The following PRMT7 variants were observed in gnomAD, a reference collection of about 807,000 sequenced individuals.
PRMT7 encodes the protein protein arginine N-methyltransferase 7.
Under a neutral mutation model 85.4 loss-of-function variants are expected in PRMT7, and 75 were observed. That is an observed-to-expected ratio of 0.88 (90% CI 0.73 to 1.06). The LOEUF (loss-of-function observed/expected upper bound fraction) is 1.06. PRMT7 is among the 50% of genes least tolerant of loss of function. The pLI is 0.00. For missense variants in PRMT7, 868 were observed against 915.2 expected (o/e 0.95, Z 0.67); for synonymous variants, 397 against 359.5 (o/e 1.10, Z -1.18).
At chr16:68,323,054 A>G (rs537679187) in intron 4 of PRMT7, among the ~76,000 whole-genome samples, 1 of 152,222 alleles carries the variant, frequency 6.6e-6, no homozygotes, top group East Asian at 1.9e-4. Context: ...TGTGGTAAAA[A>G]CACATAACAT....
intron 2 of PRMT7, chr16:68,315,074 T>A (rs2044518616): frequency 6.6e-6 from 1 of 151,294 alleles, no homozygotes; most frequent in South Asian, 2.1e-4. Context: ...CCCAGGAGTT[T>A]GAGTCCAGCC....
At chr16:68,337,593 C>A in intron 7 of PRMT7, 22 bp downstream of exon 7, 1 of 1,539,268 alleles carries the variant, frequency 6.5e-7, no homozygotes, top group Non-Finnish European at 8.9e-7. Flanking sequence ...AGGGCTCCCT[C>A]AGACGTGTCT....
chr16:68,346,251 ACTGATCGATACGTC>A lies in PRMT7; in HGVS notation c.1164_1177del (p.Asp389GlyfsTer53). 6.2e-7 allele frequency: 1 copy of A among 1,614,242 alleles called. No homozygotes were observed. Among genetic ancestry groups the A allele is most frequent in the Non-Finnish European group, 8.5e-7 (1 of 1,180,044 alleles). On this transcript the variant is annotated frameshift_variant, in exon 11 of 19. Transcript: ENST00000441236. LOFTEE classifies it high-confidence loss of function. Reference sequence around the variant, plus strand: ...TGGAGAGATCAATGACCAGGACAGAACTGATCGATACGTCCAGGCTCTGAGGACCGTAAGTGTCC... The same window carrying A: ...TGGAGAGATCAATGACCAGGACAGAACAGGCTCTGAGGACCGTAAGTGTCC...
chr16:68,343,903 T>G (rs1213499283), intron 9 of PRMT7, among the ~76,000 whole-genome samples: 1 of 151,420 alleles, frequency 6.6e-6, no homozygotes, highest in African/African-American at 2.4e-5. Flanking sequence ...AGGGCCAAGT[T>G]TTTCTTAGTT....
At chr16:68,332,052 C>T (rs4783553) in intron 6 of PRMT7, among the ~76,000 whole-genome samples, 116,193 of 152,094 alleles carry the variant, frequency 0.76, 44,743 homozygotes, top group African/African-American at 0.86. Flanking sequence ...TGCTAGACTT[C>T]GTTGGTTTTG....
chr16:68,346,017 G>C, intron 10 of PRMT7, 128 bp from the exon 11 acceptor site: 1 of 1,443,058 alleles, frequency 6.9e-7, no homozygotes, highest in Non-Finnish European at 9.4e-7. Flanking sequence ...AGATGCGTAG[G>C]AAAAGTCTGG....
intron 4 of PRMT7, among the ~76,000 whole-genome samples, chr16:68,322,033 A>G (rs1397236474): frequency 6.6e-6 from 1 of 150,742 alleles, no homozygotes; most frequent in African/African-American, 2.4e-5. Context: ...CTGCAGCCTC[A>G]GTCTCCCGAG....
At chr16:68,356,042 C>T (rs1192737465) in intron 17 of PRMT7, among the ~76,000 whole-genome samples, 159 bp downstream of exon 17, 5 of 152,204 alleles carry the variant, frequency 3.3e-5, no homozygotes, top group South Asian at 4.1e-4. Flanking sequence ...TGGCCCTGCG[C>T]GTGTGGTGGT....
chr16:68,320,633 G>A (rs1204702534), intron 3 of PRMT7, among the ~76,000 whole-genome samples: 1 of 152,156 alleles, frequency 6.6e-6, no homozygotes, highest in African/African-American at 2.4e-5. Context: ...AGCCATCAAC[G>A]AGCATGTCAC....
intron 5 of PRMT7, among the ~76,000 whole-genome samples, chr16:68,325,350 C>T (rs993729125): frequency 4.6e-5 from 7 of 152,198 alleles, no homozygotes; most frequent in African/African-American, 1.7e-4. Flanking sequence ...ATTACTTCTA[C>T]CTTGTTTAAG....
At position 68,350,434 on chromosome 16, in the gene PRMT7, C is replaced by CT. The variant is rs58165144; in HGVS notation, c.1414-1803dup. On this transcript the variant is annotated intron_variant, in intron 14 of 18. Coordinates refer to ENST00000441236, the MANE Select transcript of PRMT7 (RefSeq NM_019023.5). The stretch of plus-strand genomic sequence containing the variant: ...GATCCTCACCAGCACCTGGCATTGG[C>CT]TTTTTTTTTTTAGCATAACCATATT... 5.8e-3 allele frequency among the ~76,000 whole-genome samples: 842 copies of CT among 144,106 alleles called. 8 individuals carry two copies. Among genetic ancestry groups the CT allele is most frequent in the African/African-American group, 0.017 (683 of 39,484 alleles). The allele number at this position is 144,106 out of a possible 152,430, so 94.5% of individuals were successfully genotyped here.
In PRMT7 at chr16:68,346,151, A is replaced by G. The variant is rs75567372; in HGVS notation, c.1062A>G (p.Glu354=). The G allele has an allele frequency of 2.6e-3, 4,141 of 1,613,740 alleles. 79 individuals carry two copies. The African/African-American group carries it at 0.047, about 18-fold the overall frequency. ...TGTTCATCTCCTGGCCTAGCCCTGAAAAGAATGAGAGAGTCCGCCAGATGC... is the reference window on the plus strand; with the variant it reads ...TGTTCATCTCCTGGCCTAGCCCTGAGAAGAATGAGAGAGTCCGCCAGATGC... The part of the protein sequence containing the change: ...VWYSLQRTSP[E]KNERVRQMRP... Residue 354 remains glutamate (E), a synonymous_variant, in exon 11 of 19, where the codon GAA becomes GAG. Transcript: ENST00000441236.
chr16:68,329,140 C>A lies in PRMT7; in HGVS notation c.357C>A (p.Ile119=). The part of the protein sequence containing the change: ...KNGFSDKIKV[I]NKHSTEVTVG... ...GCTTTAGTGATAAGATTAAGGTTAT[C>A]AACAAGCATTCCACCGAGGTGACTG... Residue 119 remains isoleucine, a synonymous_variant, in exon 6 of 19, where the codon ATC becomes ATA. Coordinates refer to ENST00000441236, the MANE Select transcript of PRMT7 (RefSeq NM_019023.5). The A allele has an allele frequency of 6.2e-7, 1 of 1,608,238 alleles. No individual in the cohort carries two copies. The highest frequency in any genetic ancestry group is 1.1e-5 in the South Asian group (1 of 90,924).
rs2088780297 is a variant in PRMT7, at chr16:68,357,364, T to C, written c.*140T>C. 1 of 881,968 alleles carries C rather than the reference T, an allele frequency of 1.1e-6. No homozygotes were observed. Among genetic ancestry groups the C allele is most frequent in the African/African-American group, 1.7e-5 (1 of 58,768 alleles). 54.6% of individuals were successfully genotyped at this position (881,968 alleles called of 1,614,324 possible). On this transcript the variant is annotated 3_prime_UTR_variant, in exon 19 of 19. Transcript: ENST00000441236. ...ATGGGAAAGACTGCGCCGTGTTGCA[T>C]CTTGTTGCATCTTTGCACTGCTGGC...
At chr16:68,342,337 C>T (rs2085670078) in intron 9 of PRMT7, among the ~76,000 whole-genome samples, 1 of 152,108 alleles carries the variant, frequency 6.6e-6, no homozygotes, top group Non-Finnish European at 1.5e-5. Context: ...GTTAGCTTGG[C>T]CCGGACCCAG....
chr16:68,335,683 G>A (rs374979823), intron 6 of PRMT7, among the ~76,000 whole-genome samples: 160 of 152,120 alleles, frequency 1.1e-3, no homozygotes, highest in African/African-American at 3.8e-3. Flanking sequence ...TCAGAACGGA[G>A]GGCTCAGGGA....
chr16:68,358,659 TTTG>T (rs1283875884), downstream of PRMT7: 1 of 152,608 alleles, frequency 6.6e-6, no homozygotes, highest in Non-Finnish European at 1.5e-5. Flanking sequence ...TTAAGGTGGT[TTTG>T]GACAAATGAA....
At chr16:68,335,438 T>A (rs2084529549) in intron 6 of PRMT7, among the ~76,000 whole-genome samples, 1 of 151,864 alleles carries the variant, frequency 6.6e-6, no homozygotes, top group African/African-American at 2.4e-5. Flanking sequence ...TTTTGGACAG[T>A]GTATTCCAGT....
chr16:68,336,319 C>T (rs1007268305), intron 6 of PRMT7, among the ~76,000 whole-genome samples: 8 of 152,210 alleles, frequency 5.3e-5, no homozygotes, highest in Non-Finnish European at 1.2e-4. Flanking sequence ...CAGAAGATCC[C>T]TCCCAAATCC....
Sources: allele counts gnomAD v4.1 joint callset (sites outside exome capture counted in the v4.1 genomes callset), GRCh38; gene constraint gnomAD v4.1.1; transcripts MANE v1.5; gene names NCBI Gene and HGNC (gene_info 2026-07-23, HGNC 2026-07-21).